The following MYO9B variants were observed in gnomAD, a reference collection of about 807,000 sequenced individuals.
MYO9B encodes unconventional myosin-IXb.
Under a neutral mutation model 229.5 loss-of-function variants are expected in MYO9B, and 71 were observed. The ratio of observed to expected loss-of-function variants is 0.31; its 90% CI spans 0.26 to 0.38. The LOEUF (loss-of-function observed/expected upper bound fraction) is 0.38, where lower values mean the gene tolerates loss of function less well. Among genes scored for constraint, MYO9B ranks in the 10% least tolerant of loss-of-function variants. The probability of loss-of-function intolerance (pLI) is 1.00; values close to 1 mark genes in which losing one functional copy is unlikely to be tolerated. For missense variants in MYO9B, 2,255 were observed against 2,920.5 expected (o/e 0.77, Z 5.25); for synonymous variants, 1,185 against 1,235.8 (o/e 0.96, Z 0.86).
At chr19:17,192,543 C>T (rs1167758137) in intron 20 of MYO9B, among the ~76,000 whole-genome samples, 2 of 151,394 alleles carry the variant, frequency 1.3e-5, no homozygotes, top group Admixed American at 6.6e-5. Context: ...TGCAGTGAGC[C>T]GAGATCATGC....
rs1404826162 is a variant in MYO9B at position 17,212,867 on chromosome 19, A to T, written c.*557A>T. 1 of 148,762 alleles carries T rather than the reference A, an allele frequency of 6.7e-6. No homozygotes were observed. The highest frequency in any genetic ancestry group is 2.4e-5 in the African/African-American group (1 of 40,994). The allele number at this position is 148,762 out of a possible 1,614,324, so 9.2% of individuals were successfully genotyped here. On this transcript the variant is annotated 3_prime_UTR_variant, in exon 40 of 40. Coordinates refer to ENST00000682292, the MANE Select transcript of MYO9B (RefSeq NM_004145.4). This position sits in a 1 kb window ranked among gnomAD's most constrained non-coding sequence, Gnocchi z 5.4. ...CACCTGACCCGTGCCTCTCTGACACATGTCTCCGGGGGGCAGCCACCTGGC... is the reference window on the plus strand; with the variant it reads ...CACCTGACCCGTGCCTCTCTGACACTTGTCTCCGGGGGGCAGCCACCTGGC...
At chr19:17,092,805 T>A (rs923350542) in intron 1 of MYO9B, among the ~76,000 whole-genome samples, 2 of 151,512 alleles carry the variant, frequency 1.3e-5, no homozygotes, top group African/African-American at 4.9e-5. Context: ...CATGTGAGTG[T>A]GTATACAAGC....
intron 14 of MYO9B, among the ~76,000 whole-genome samples, chr19:17,179,615 C>T (rs1301759229): frequency 6.6e-6 from 1 of 151,516 alleles, no homozygotes; most frequent in Non-Finnish European, 1.5e-5. Flanking sequence ...TTAGTAGAGA[C>T]GGGGTTTCAC....
chr19:17,139,848 C>A (rs543642355), intron 2 of MYO9B, among the ~76,000 whole-genome samples: 97 of 152,228 alleles, frequency 6.4e-4, no homozygotes, highest in African/African-American at 2.3e-3. Flanking sequence ...TCGAGACCAG[C>A]CTGACCAACA....
chr19:17,201,130 G>A (rs2073102524), intron 26 of MYO9B, among the ~76,000 whole-genome samples: 1 of 152,164 alleles, frequency 6.6e-6, no homozygotes, highest in African/African-American at 2.4e-5. Flanking sequence ...CAGCTCCTGG[G>A]GGCTGAGGCA....
intron 2 of MYO9B, among the ~76,000 whole-genome samples, chr19:17,136,626 G>A (rs1250005554): frequency 2.1e-5 from 3 of 143,296 alleles, no homozygotes; most frequent in Non-Finnish European, 4.5e-5. Context: ...GGCCAGGGAC[G>A]CTGTTCAACA....
intron 1 of MYO9B, among the ~76,000 whole-genome samples, chr19:17,094,410 A>G (rs894812181): frequency 6.6e-6 from 1 of 152,110 alleles, no homozygotes; most frequent in Admixed American, 6.6e-5. Context: ...CAGTGTGCCA[A>G]CAGCCATGAG....
chr19:17,183,882 C>CA lies in MYO9B; in HGVS notation c.2373+15dup, dbSNP rs760951970. On this transcript the variant is annotated intron_variant, in intron 16 of 39. Transcript: ENST00000682292. ...ATCATTCCAAAGGTAAAAAAAAAAA[C>CA]ACACCCCGCGCGACACGTTCCAAGA... The CA allele has an allele frequency of 1.3e-6, 2 of 1,540,736 alleles. No homozygotes were observed. The highest frequency in any genetic ancestry group is 1.7e-6 in the Non-Finnish European group (2 of 1,144,236).
At chr19:17,169,147 G>A (rs918564700) in intron 11 of MYO9B, among the ~76,000 whole-genome samples, 3 of 151,892 alleles carry the variant, frequency 2.0e-5, no homozygotes, top group Non-Finnish European at 4.4e-5. Context: ...CGAGGCAGGC[G>A]GATCACCTGA....
intron 2 of MYO9B, among the ~76,000 whole-genome samples, chr19:17,119,544 A>G (rs560262056): frequency 1.3e-5 from 2 of 152,324 alleles, no homozygotes; most frequent in Admixed American, 6.5e-5. Context: ...TGCCACGTAA[A>G]GAAAAGCAGA....
chr19:17,099,657 TACAA>T (rs545999541), intron 1 of MYO9B, among the ~76,000 whole-genome samples: 13 of 150,802 alleles, frequency 8.6e-5, no homozygotes, highest in African/African-American at 3.2e-4. Context: ...CTACTAAAAA[TACAA>T]AAAAAAATTA....
intron 1 of MYO9B, among the ~76,000 whole-genome samples, chr19:17,080,409 A>T (rs1284200549): frequency 6.6e-6 from 1 of 152,104 alleles, no homozygotes; most frequent in Non-Finnish European, 1.5e-5. Context: ...AATCTGTTCC[A>T]CGCCTCTCTC....
At chr19:17,192,038 C>A (rs1005204019) in intron 20 of MYO9B, among the ~76,000 whole-genome samples, 4 of 151,642 alleles carry the variant, frequency 2.6e-5, no homozygotes, top group Non-Finnish European at 4.4e-5. Flanking sequence ...CTCACTGCAA[C>A]CTCCGTCTCC....
intron 11 of MYO9B, among the ~76,000 whole-genome samples, chr19:17,169,170 G>A (rs978415118): frequency 4.6e-5 from 7 of 151,898 alleles, no homozygotes; most frequent in African/African-American, 1.7e-4. Context: ...TCAGGAGTTG[G>A]AGACCAGCCT....
intron 38 of MYO9B, 129 bp downstream of exon 38, chr19:17,210,977 CTTTTTTTTTTTTTT>C (rs35355662): frequency 9.0e-6 from 3 of 334,450 alleles, no homozygotes; most frequent in Non-Finnish European, 1.4e-5. Context: ...GCAAACAACA[CTTTTTTTTTTTTTT>C]TTTTTTTTTT....
chr19:17,115,194 A>G (rs1432452922), intron 2 of MYO9B, among the ~76,000 whole-genome samples: 1 of 152,122 alleles, frequency 6.6e-6, no homozygotes, highest in Non-Finnish European at 1.5e-5. Flanking sequence ...TTGGCAAACT[A>G]CAGCCCATGA....
intron 35 of MYO9B, 32 bp downstream of exon 35, chr19:17,207,276 C>T (rs763040466): frequency 6.3e-7 from 1 of 1,580,154 alleles, no homozygotes; most frequent in Non-Finnish European, 8.6e-7. Context: ...GAGGCATGCT[C>T]AGGGCAGCCC....
At chr19:17,087,288 G>A (rs1311793296) in intron 1 of MYO9B, among the ~76,000 whole-genome samples, 1 of 152,010 alleles carries the variant, frequency 6.6e-6, no homozygotes, top group Non-Finnish European at 1.5e-5. Flanking sequence ...TACCTGGGAA[G>A]GGACTTTCTC....
intron 1 of MYO9B, among the ~76,000 whole-genome samples, chr19:17,098,055 C>CG (rs796832664): frequency 2.7e-5 from 4 of 150,680 alleles, no homozygotes; most frequent in African/African-American, 9.7e-5. Context: ...ACCCCCCCCC[C>CG]CCACCTTTTT....
Sources: gnomAD v4.1 joint callset for allele counts (sites outside exome capture counted in the v4.1 genomes callset) on GRCh38, gnomAD v4.1.1 for gene constraint, Gnocchi (gnomAD v3.1) non-coding constraint, MANE v1.5 for transcripts, NCBI Gene and HGNC (gene_info 2026-07-23, HGNC 2026-07-21) for gene names.